The following LIMK1 variants were observed in gnomAD, a reference collection of about 807,000 sequenced individuals.
The protein encoded by LIMK1 is LIM domain kinase 1.
LIMK1 carries 21 observed loss-of-function variants against 77.6 expected under a neutral mutation model. The observed-to-expected ratio is 0.27, with a 90% CI of 0.19 to 0.39. The LOEUF is 0.39. LIMK1 is among the 10% of genes least tolerant of loss of function. The pLI, the probability that LIMK1 is intolerant of heterozygous loss-of-function variation, is 1.00. For missense variants in LIMK1, 696 were observed against 901.6 expected, an observed-to-expected ratio of 0.77 and a Z score of 2.92; for synonymous variants, 358 against 370.0, an observed-to-expected ratio of 0.97 and a Z score of 0.37.
chr7:74,101,883 G>A (rs1799465952), intron 5 of LIMK1, among the ~76,000 whole-genome samples: 1 of 151,968 alleles, frequency 6.6e-6, no homozygotes, highest in Admixed American at 6.6e-5. Flanking sequence ...GGAGTGCAGT[G>A]GCACAATCAT....
intron 2 of LIMK1, among the ~76,000 whole-genome samples, chr7:74,091,589 G>T (rs1799236808): frequency 6.6e-6 from 1 of 152,308 alleles, no homozygotes; most frequent in Middle Eastern, 3.4e-3. Flanking sequence ...CAGCGCGTGA[G>T]GAGTAGAATC....
intron 1 of LIMK1, 96 bp downstream of exon 1, chr7:74,084,141 C>G (rs1358952757): frequency 1.1e-5 from 6 of 537,044 alleles, no homozygotes; most frequent in African/African-American, 8.0e-5. Flanking sequence ...GAGGCCGCGC[C>G]CCTGCCTCCT....
chr7:74,106,029 C>T, intron 6 of LIMK1, 48 bp from the exon 7 acceptor site: 1 of 1,613,096 alleles, frequency 6.2e-7, no homozygotes, highest in Non-Finnish European at 8.5e-7. Context: ...GCCTTCATGC[C>T]TAGCCCCCTC....
At chr7:74,108,725 G>A (rs1410730432) in intron 9 of LIMK1, among the ~76,000 whole-genome samples, 180 bp from the exon 10 acceptor site, 4 of 151,820 alleles carry the variant, frequency 2.6e-5, no homozygotes, top group Admixed American at 2.0e-4. Flanking sequence ...TGGGGGTGGG[G>A]GCAGCTCAAG....
At chr7:74,111,602 C>T (rs782559785) in intron 10 of LIMK1, 46 bp from the exon 11 acceptor site, 24 of 1,527,350 alleles carry the variant, frequency 1.6e-5, no homozygotes, top group South Asian at 2.3e-5. Flanking sequence ...TCCCTGCCAT[C>T]GGGGCCCCCA....
intron 1 of LIMK1, among the ~76,000 whole-genome samples, chr7:74,084,409 C>A (rs1222885318): frequency 7.9e-5 from 12 of 152,188 alleles, no homozygotes; most frequent in Admixed American, 7.2e-4. Context: ...GAAAGAGCGG[C>A]TGGGGAAGCC....
At chr7:74,106,269 G>T in intron 7 of LIMK1, 26 bp downstream of exon 7, 1 of 1,581,924 alleles carries the variant, frequency 6.3e-7, no homozygotes, top group Non-Finnish European at 8.6e-7. Context: ...CCTCGGTTCA[G>T]CTGGGTGCTT....
chr7:74,109,106 C>T (rs1014286374), intron 10 of LIMK1, 70 bp downstream of exon 10: 8 of 1,234,056 alleles, frequency 6.5e-6, no homozygotes, highest in Non-Finnish European at 4.6e-6. Flanking sequence ...CTGTGAGCCT[C>T]AGTCTCATCT....
intron 12 of LIMK1, among the ~76,000 whole-genome samples, chr7:74,114,820 CAGG>C (rs1799774401): frequency 1.3e-5 from 2 of 148,400 alleles, no homozygotes; most frequent in African/African-American, 5.0e-5. Flanking sequence ...GAGGCTGAGG[CAGG>C]AGAATGGCGT....
At chr7:74,119,259 A>G (rs1453130133) in intron 13 of LIMK1, among the ~76,000 whole-genome samples, 10 of 149,560 alleles carry the variant, frequency 6.7e-5, no homozygotes, top group African/African-American at 2.2e-4. Context: ...GCTCACTGCA[A>G]CCTCCACCTC....
At chr7:74,103,354 G>A (rs1799506146) in intron 5 of LIMK1, among the ~76,000 whole-genome samples, 1 of 150,418 alleles carries the variant, frequency 6.6e-6, no homozygotes, top group African/African-American at 2.5e-5. Flanking sequence ...GCTTCCCAAA[G>A]TGCTGGGATT....
chr7:74,085,916 T>C (rs560325207), intron 2 of LIMK1, 72 bp downstream of exon 2: 1 of 1,204,496 alleles, frequency 8.3e-7, no homozygotes, highest in African/African-American at 1.5e-5. Flanking sequence ...GGTCAAGGAA[T>C]GGGGGAGGCC....
chr7:74,107,299 A>C, intron 8 of LIMK1, 106 bp downstream of exon 8: 1 of 1,249,822 alleles, frequency 8.0e-7, no homozygotes, highest in Admixed American at 2.6e-5. Context: ...TGGCTTCCAG[A>C]CTCCCTGGCC....
intron 5 of LIMK1, among the ~76,000 whole-genome samples, chr7:74,105,023 T>C (rs1799539638): frequency 1.3e-5 from 2 of 152,188 alleles, no homozygotes; most frequent in Non-Finnish European, 2.9e-5. Context: ...TGGCAGAATC[T>C]TGACTCACTG....
intron 7 of LIMK1, 44 bp downstream of exon 7, chr7:74,106,287 T>C: frequency 6.4e-7 from 1 of 1,561,126 alleles, no homozygotes; most frequent in Admixed American, 1.9e-5. Flanking sequence ...CTTTCACTCC[T>C]GCTGGGGCTC....
In LIMK1 at chr7:74,107,903, G is replaced by A; in HGVS notation, c.1098G>A (p.Val366=). The A allele has an allele frequency of 5.7e-6, 9 of 1,578,124 alleles. No individual in the cohort carries two copies. The highest frequency in any genetic ancestry group is 6.9e-6 in the Non-Finnish European group (8 of 1,161,668). Residue 366 remains valine, a synonymous_variant, in exon 9 of 16, where the codon GTG becomes GTA. Coordinates refer to ENST00000336180, the MANE Select transcript of LIMK1 (RefSeq NM_002314.4). Reference sequence around the variant, plus strand: ...ACCGTGAGACAGGTGAGGTGATGGTGATGAAGGAGCTGATCCGGTTCGACG... The same window carrying A: ...ACCGTGAGACAGGTGAGGTGATGGTAATGAAGGAGCTGATCCGGTTCGACG... ...VTHRETGEVM[V]MKELIRFDEE...
intron 2 of LIMK1, among the ~76,000 whole-genome samples, chr7:74,091,954 C>CT (rs35254348): frequency 0.014 from 1,160 of 80,664 alleles, 152 homozygotes; most frequent in Non-Finnish European, 0.016. Flanking sequence ...GGCTGTACAG[C>CT]TTTTTTTTTT....
At chr7:74,108,004 C>A in intron 9 of LIMK1, 47 bp downstream of exon 9, 1 of 1,367,440 alleles carries the variant, frequency 7.3e-7, no homozygotes. Context: ...CTTCCAGGTG[C>A]TCACCCCTGC....
At chr7:74,090,790 C>T (rs1799221142) in intron 2 of LIMK1, among the ~76,000 whole-genome samples, 1 of 152,168 alleles carries the variant, frequency 6.6e-6, no homozygotes, top group African/African-American at 2.4e-5. Flanking sequence ...CTTTCCTGGC[C>T]CCTCTGCATG....
Sources: gnomAD v4.1 joint callset for allele counts (sites outside exome capture counted in the v4.1 genomes callset) on GRCh38, gnomAD v4.1.1 for gene constraint, MANE v1.5 for transcripts, NCBI Gene and HGNC (gene_info 2026-07-23, HGNC 2026-07-21) for gene names.